Variants in PPFIA3 observed in about 807,000 individuals in gnomAD.
The protein encoded by PPFIA3 is PPFI scaffold protein A3.
In PPFIA3, 26 loss-of-function variants were observed where a neutral mutation model predicts 145.8. The ratio of observed to expected loss-of-function variants is 0.18; its 90% CI spans 0.13 to 0.25. The LOEUF is 0.25. Among genes scored for constraint, PPFIA3 ranks in the 10% least tolerant of loss-of-function variants. PPFIA3 has a pLI of 1.00. For synonymous variants in PPFIA3, 645 were observed against 661.4 expected (o/e 0.98, Z 0.38); for missense variants, 1,008 against 1,587.8 (o/e 0.63, Z 6.21).
At chr19:49,131,165 CTTTTT>C (rs74182040) in intron 7 of PPFIA3, among the ~76,000 whole-genome samples, 167 of 102,092 alleles carry the variant, frequency 1.6e-3, no homozygotes, top group African/African-American at 6.2e-3. Context: ...CACCCAGCCT[CTTTTT>C]TTTTTTTTTT....
At chr19:49,141,888 CCTT>C (rs2041228535) in intron 19 of PPFIA3, 143 bp from the exon 20 acceptor site, 1 of 458,274 alleles carries the variant, frequency 2.2e-6, no homozygotes, top group Admixed American at 4.2e-5. Flanking sequence ...TATTTTTTGA[CCTT>C]CTGCCGTGTT....
At chr19:49,135,277 A>G (rs1376435580) in intron 13 of PPFIA3, among the ~76,000 whole-genome samples, 1 of 152,088 alleles carries the variant, frequency 6.6e-6, no homozygotes, top group Non-Finnish European at 1.5e-5. Flanking sequence ...CCAGGCCTCA[A>G]GTGATCCTCC....
At chr19:49,137,046 C>A in intron 15 of PPFIA3, 135 bp downstream of exon 15, 1 of 819,670 alleles carries the variant, frequency 1.2e-6, no homozygotes, top group Non-Finnish European at 1.8e-6. Flanking sequence ...GCCCAACACT[C>A]ACTCCGCTGT....
At chr19:49,132,009 CAAAAA>C (rs34793375) in intron 7 of PPFIA3, among the ~76,000 whole-genome samples, 1 of 69,892 alleles carries the variant, frequency 1.4e-5, no homozygotes. Flanking sequence ...GACTCCGTCT[CAAAAA>C]AAAAAAAAAA....
At chr19:49,143,201 C>T (rs1211872043) in intron 21 of PPFIA3, among the ~76,000 whole-genome samples, 197 bp downstream of exon 21, 2 of 152,174 alleles carry the variant, frequency 1.3e-5, no homozygotes, top group Non-Finnish European at 2.9e-5. Flanking sequence ...GGGGCCCAGG[C>T]CACCTCCTTC....
At position 49,124,617 on chromosome 19, in the gene PPFIA3, C is replaced by T. The variant is rs1457728478; in HGVS notation, c.-15-3242C>T. ...AAGCCATTGAAAGCGTGGAAGCATACGTCTATTCCCCACCCTGTACTGTGT... is the reference window on the plus strand; with the variant it reads ...AAGCCATTGAAAGCGTGGAAGCATATGTCTATTCCCCACCCTGTACTGTGT... On this transcript the variant is annotated intron_variant, in intron 1 of 29. Coordinates refer to ENST00000334186, the MANE Select transcript of PPFIA3 (RefSeq NM_003660.4). Among the ~76,000 whole-genome samples, 6 of 152,256 alleles carry T rather than the reference C, an allele frequency of 3.9e-5. No homozygotes were observed. The East Asian group carries it at 7.7e-4, about 20-fold the overall frequency.
At chr19:49,143,513 C>CT (rs2041248406) in intron 21 of PPFIA3, among the ~76,000 whole-genome samples, 1 of 152,006 alleles carries the variant, frequency 6.6e-6, no homozygotes, top group Admixed American at 6.6e-5. Context: ...GCTGGGATTA[C>CT]AGGCGCCCGC....
chr19:49,147,107 G>A (rs990035105), intron 23 of PPFIA3, among the ~76,000 whole-genome samples: 1 of 152,160 alleles, frequency 6.6e-6, no homozygotes, highest in African/African-American at 2.4e-5. Context: ...ATATTGTCCT[G>A]GGCCAGATAT....
Position 49,149,069 on chromosome 19 carries a change from C to A in PPFIA3, c.3186C>A (p.Leu1062=), listed in dbSNP as rs1185294128. Residue 1062 remains leucine, a synonymous_variant, in exon 26 of 30, where the codon CTC becomes CTA. Transcript: ENST00000334186. The surrounding 1 kb of genome is among the most constrained non-coding windows in gnomAD (Gnocchi z 5.7). ...GLGLKEFATN[L]TESGVHGALL... ...GCCTGAAGGAATTTGCCACGAACCT[C>A]ACGGAGAGCGGGGTACACGGGGCAC... The A allele has an allele frequency of 6.2e-7, 1 of 1,614,186 alleles. No homozygotes were observed. The highest frequency in any genetic ancestry group is 8.5e-7 in the Non-Finnish European group (1 of 1,180,034).
chr19:49,133,220 G>T lies in PPFIA3; in HGVS notation c.1027-17G>T. ...GTGACCCAGCCCGTCCCCTCCCCCT[G>T]CCTCTCCCTCCCCCAGAGTGAAGAG... On this transcript the variant is annotated splice_polypyrimidine_tract_variant and intron_variant, in intron 8 of 29. Coordinates refer to ENST00000334186, the MANE Select transcript of PPFIA3 (RefSeq NM_003660.4). This position sits in a 1 kb window ranked among gnomAD's most constrained non-coding sequence, Gnocchi z 7.2. The T allele has an allele frequency of 1.9e-6, 3 of 1,593,866 alleles. No homozygotes were observed. The South Asian group carries it at 3.3e-5, about 18-fold the overall frequency.
intron 21 of PPFIA3, among the ~76,000 whole-genome samples, chr19:49,144,679 A>G (rs983339584): frequency 2.6e-5 from 4 of 151,904 alleles, no homozygotes; most frequent in African/African-American, 9.7e-5. Context: ...GTCCCACTGT[A>G]CTGCAGCCTG....
chr19:49,124,605 C>T (rs919345791), intron 1 of PPFIA3, among the ~76,000 whole-genome samples: 4 of 152,164 alleles, frequency 2.6e-5, no homozygotes, highest in Admixed American at 1.3e-4. Context: ...CCATTGAAAG[C>T]GTGGAAGCAT....
intron 19 of PPFIA3, 111 bp from the exon 20 acceptor site, chr19:49,141,923 G>A (rs2041228930): frequency 4.7e-6 from 3 of 635,264 alleles, no homozygotes; most frequent in Admixed American, 3.8e-5. Context: ...TAAAAGCTGC[G>A]TGTGCGTATG....
rs2040924463 is a variant in PPFIA3 at position 49,120,546 on chromosome 19, C to G, written c.-16+824C>G. Among the ~76,000 whole-genome samples the G allele has an allele frequency of 6.6e-6, 1 of 152,170 alleles. No individual in the cohort carries two copies. Among genetic ancestry groups the G allele is most frequent in the Admixed American group, 6.5e-5 (1 of 15,268 alleles). On this transcript the variant is annotated intron_variant, in intron 1 of 29. Coordinates refer to ENST00000334186, the MANE Select transcript of PPFIA3 (RefSeq NM_003660.4). The surrounding 1 kb of genome is among the most constrained non-coding windows in gnomAD (Gnocchi z 4.6). ...GCTGGCCCCAGGTGGTAGCCCTCACCCCGTCAGCACCTAGGAATCCTGTTC... is the reference window on the plus strand; with the variant it reads ...GCTGGCCCCAGGTGGTAGCCCTCACGCCGTCAGCACCTAGGAATCCTGTTC...
chr19:49,142,655 T>C, intron 20 of PPFIA3, 149 bp from the exon 21 acceptor site: 4 of 450,394 alleles, frequency 8.9e-6, no homozygotes, highest in South Asian at 7.8e-5. Flanking sequence ...CTCTTTTCCT[T>C]GTCCTGTTTC....
intron 21 of PPFIA3, among the ~76,000 whole-genome samples, chr19:49,143,460 C>T: frequency 6.6e-6 from 1 of 152,158 alleles, no homozygotes; most frequent in East Asian, 1.9e-4. Flanking sequence ...GCAACCCCTG[C>T]CTCCCGGGTT....
In PPFIA3 at chr19:49,148,666, G is replaced by A. The variant is rs2041307105; in HGVS notation, c.3012G>A (p.Arg1004=). Residue 1004 remains arginine, a splice_region_variant and synonymous_variant, in exon 25 of 30, where the codon AGG becomes AGA. Transcript: ENST00000334186. ...GQLKMVDSFH[R]VSLHYGIMCL... ...TGACTCCACTTCCCCTGCTGCTCAG[G>A]GTGAGTCTACATTATGGGATTATGT... 3.7e-6 allele frequency: 6 copies of A among 1,611,704 alleles called. No homozygotes were observed. Among genetic ancestry groups the A allele is most frequent in the Non-Finnish European group, 5.1e-6 (6 of 1,177,888 alleles).
intron 11 of PPFIA3, 36 bp from the exon 12 acceptor site, chr19:49,134,603 A>C (rs746259369): frequency 2.0e-5 from 32 of 1,602,070 alleles, no homozygotes; most frequent in Non-Finnish European, 2.6e-5. Flanking sequence ...GTGGCCCCTC[A>C]GGCCTCACTC....
Position 49,149,102 on chromosome 19 carries a change from C to T in PPFIA3, c.3219C>T (p.Ala1073=). ...TESGVHGALL[A]LDETFDYSDL... ...GCGGGGTACACGGGGCACTGCTCGC[C>T]CTGGACGAGACCTTCGACTACTCCG... The change falls in exon 26 of 30, where the codon GCC becomes GCT. Residue 1073 remains alanine, a synonymous_variant. Transcript: ENST00000334186. The surrounding 1 kb of genome is among the most constrained non-coding windows in gnomAD (Gnocchi z 5.7). 1 of 1,614,140 alleles carries T rather than the reference C, an allele frequency of 6.2e-7. No homozygotes were observed. Among genetic ancestry groups the T allele is most frequent in the Non-Finnish European group, 8.5e-7 (1 of 1,180,022 alleles).
Sources: allele counts gnomAD v4.1 joint callset (sites outside exome capture counted in the v4.1 genomes callset), GRCh38; gene constraint gnomAD v4.1.1; non-coding constraint Gnocchi (gnomAD v3.1); transcripts MANE v1.5; gene names NCBI Gene and HGNC (gene_info 2026-07-23, HGNC 2026-07-21).